USP40: variants seen among roughly 807,000 people sequenced by gnomAD.
The protein encoded by USP40 is ubiquitin carboxyl-terminal hydrolase 40.
USP40 carries 143 observed loss-of-function variants against 166.2 expected under a neutral mutation model. That is an observed-to-expected ratio of 0.86 (90% CI 0.75 to 0.99). The LOEUF (loss-of-function observed/expected upper bound fraction) is 0.99. Ranked by LOEUF, USP40 falls within the 50% of genes least tolerant of loss-of-function variation. The probability of loss-of-function intolerance (pLI) is 0.00; values close to 1 mark genes in which losing one functional copy is unlikely to be tolerated. For missense variants in USP40, 1,444 were observed against 1,479.7 expected (o/e 0.98, Z 0.40); for synonymous variants, 498 against 524.0 (o/e 0.95, Z 0.68).
At chr2:233,536,302 A>G (rs1169256356) in intron 10 of USP40, among the ~76,000 whole-genome samples, 3 of 152,216 alleles carry the variant, frequency 2.0e-5, no homozygotes, top group Non-Finnish European at 4.4e-5. Flanking sequence ...ACTACAACTA[A>G]AAAGTATAAT....
chr2:233,526,119 A>C lies in USP40; in HGVS notation c.1726-557T>G, dbSNP rs376650501. On this transcript the variant is annotated intron_variant, in intron 13 of 31. Transcript: ENST00000678225. ...AGGTCACCAAAATAATATCACCATAAAAGTCATTCCTATCTAGTCATTCTC... is the reference window on the plus strand; with the variant it reads ...AGGTCACCAAAATAATATCACCATACAAGTCATTCCTATCTAGTCATTCTC... Among the ~76,000 whole-genome samples the C allele has an allele frequency of 9.8e-5, 15 of 152,330 alleles. No individual in the cohort carries two copies. In the East Asian group the frequency reaches 2.9e-3, roughly 29 times the overall value.
At chr2:233,561,017 ATAGGC>A in intron 3 of USP40, 1 of 1,009,652 alleles carries the variant, frequency 9.9e-7, no homozygotes, top group Non-Finnish European at 1.5e-6. Context: ...CCCATAGGGT[ATAGGC>A]CAAGTCACTT....
intron 18 of USP40, among the ~76,000 whole-genome samples, chr2:233,515,813 A>T (rs749493741): frequency 7.9e-5 from 12 of 152,206 alleles, no homozygotes; most frequent in Admixed American, 1.3e-4. Context: ...GAAATTTTGT[A>T]GTTTTAGGTT....
At chr2:233,484,474 C>CT (rs1222375562) in intron 30 of USP40, among the ~76,000 whole-genome samples, 4,820 of 143,958 alleles carry the variant, frequency 0.033, 221 homozygotes, top group African/African-American at 0.11. Context: ...TTTGAATCTC[C>CT]TTTTTTTTTT....
rs1559229094 is a variant in USP40 at position 233,499,907 on chromosome 2, C to T, written c.2622G>A (p.Lys874=). ...EETISVRDCL[K]LMLKKSGLQG... Reference sequence around the variant, plus strand: ...GTAGGCCAGATTTCTTCAGCATTAACTTTAAACACTGTAAAGAAAAACAAT... The same window carrying T: ...GTAGGCCAGATTTCTTCAGCATTAATTTTAAACACTGTAAAGAAAAACAAT... The change falls in exon 22 of 32, where the codon AAG becomes AAA. Residue 874 remains lysine (K), a synonymous_variant. Transcript: ENST00000678225. The T allele has an allele frequency of 6.2e-7, 1 of 1,611,994 alleles. No individual in the cohort carries two copies. Among genetic ancestry groups the T allele is most frequent in the Non-Finnish European group, 8.5e-7 (1 of 1,179,022 alleles).
At chr2:233,501,895 C>T (rs838557) in intron 21 of USP40, among the ~76,000 whole-genome samples, 25,946 of 152,112 alleles carry the variant, frequency 0.17, 2,469 homozygotes, top group Non-Finnish European at 0.21. Flanking sequence ...CAGCAGAATG[C>T]TCAAAGATAG....
At chr2:233,508,331 A>G (rs1575256435) in intron 21 of USP40, among the ~76,000 whole-genome samples, 1 of 152,304 alleles carries the variant, frequency 6.6e-6, no homozygotes, top group East Asian at 1.9e-4. Context: ...ACTGGTTGCT[A>G]TGTCTTTTAA....
intron 21 of USP40, among the ~76,000 whole-genome samples, chr2:233,503,771 G>A (rs891292231): frequency 6.6e-6 from 1 of 152,024 alleles, no homozygotes; most frequent in Admixed American, 6.6e-5. Context: ...AATACTTAAG[G>A]GAGCACTACA....
At chr2:233,494,962 A>ATATATATTTATT (rs2065641375) in intron 24 of USP40, among the ~76,000 whole-genome samples, 1 of 71,400 alleles carries the variant, frequency 1.4e-5, no homozygotes, top group Non-Finnish European at 2.7e-5. Flanking sequence ...ATATTTATAT[A>ATATATATTTATT]TATATATATA....
chr2:233,500,863 C>G (rs1432066660), intron 21 of USP40, among the ~76,000 whole-genome samples: 5 of 152,108 alleles, frequency 3.3e-5, no homozygotes, highest in African/African-American at 2.4e-5. Context: ...ATAGGCACAG[C>G]AAAGGTCTGG....
Position 233,477,500 on chromosome 2 carries a change from T to C in USP40, c.3603A>G (p.Gln1201=). ...KQRALGRRKS[Q]EALHEQSSYI... Reference sequence around the variant, plus strand: ...AGCTGCTCTGCTCATGGAGGGCTTCTTGGCTGCAGAGACACAGACACTGTC... The same window carrying C: ...AGCTGCTCTGCTCATGGAGGGCTTCCTGGCTGCAGAGACACAGACACTGTC... Residue 1201 remains glutamine, a synonymous_variant, in exon 32 of 32, where the codon CAA becomes CAG. Coordinates refer to ENST00000678225, the MANE Select transcript of USP40 (RefSeq NM_001365479.2). 1.9e-6 allele frequency: 3 copies of C among 1,612,912 alleles called. No individual in the cohort carries two copies. Among genetic ancestry groups the C allele is most frequent in the Non-Finnish European group, 2.5e-6 (3 of 1,179,574 alleles).
intron 21 of USP40, among the ~76,000 whole-genome samples, chr2:233,506,731 C>T (rs1348368894): frequency 7.3e-6 from 1 of 136,106 alleles, no homozygotes; most frequent in East Asian, 2.3e-4. Flanking sequence ...ACTGCCTCTA[C>T]CGAAAATACA....
At position 233,565,457 on chromosome 2, in the gene USP40, G is replaced by T; in HGVS notation, c.98C>A (p.Ala33Asp). 1 of 1,537,268 alleles carries T rather than the reference G, an allele frequency of 6.5e-7. No individual in the cohort carries two copies. The highest frequency in any genetic ancestry group is 1.4e-5 in the African/African-American group (1 of 73,140). The change falls in exon 2 of 32, where the codon GCT becomes GAT. Residue 33 changes from alanine to aspartate, a missense_variant. Physicochemically the swap from Ala to Asp is moderately radical, Grantham distance 126 (BLOSUM62 -2). Coordinates refer to ENST00000678225, the MANE Select transcript of USP40 (RefSeq NM_001365479.2). Reference protein sequence around the residue: ...KLKTKALEPPAPREFTNLSGI... With the variant: ...KLKTKALEPPDPREFTNLSGI... ...GCTTAAATTGGTGAATTCTCTAGGA[G>T]CAGGTGGCTCCAAAGCTTTAGTCTT...
chr2:233,485,498 T>G, intron 30 of USP40, 33 bp downstream of exon 30: 1 of 1,555,688 alleles, frequency 6.4e-7, no homozygotes. Flanking sequence ...TCGTGTCTTC[T>G]CAAAGTGGTA....
chr2:233,566,724 C>T lies in USP40; in HGVS notation c.-60G>A. On this transcript the variant is annotated 5_prime_UTR_variant, in exon 1 of 32. Transcript: ENST00000678225. The stretch of plus-strand genomic sequence containing the variant: ...CCCCCGCCCTGGCCAAAACGCGAAG[C>T]GAACGAACCCGCCCCAACTGGGCGC... 2 of 985,986 alleles carry T rather than the reference C, an allele frequency of 2.0e-6. No individual in the cohort carries two copies. The highest frequency in any genetic ancestry group is 2.4e-6 in the Non-Finnish European group (2 of 830,010). 61.1% of individuals were successfully genotyped at this position (985,986 alleles called of 1,614,324 possible). A position where few individuals can be genotyped will look rare whatever the true frequency, so the allele number is the denominator to read the frequency against.
intron 17 of USP40, 28 bp downstream of exon 17, chr2:233,520,963 A>C (rs761675077): frequency 1.9e-6 from 3 of 1,589,958 alleles, no homozygotes; most frequent in South Asian, 1.1e-5. Context: ...AAAATCTATC[A>C]GCCAACCTTT....
intron 24 of USP40, among the ~76,000 whole-genome samples, chr2:233,495,233 A>G (rs1575234063): frequency 6.6e-6 from 1 of 151,680 alleles, no homozygotes; most frequent in Non-Finnish European, 1.5e-5. Flanking sequence ...CCTAGCAAAT[A>G]ATCTTTTGTG....
chr2:233,559,125 A>G (rs1192551010), intron 4 of USP40, among the ~76,000 whole-genome samples: 3 of 152,230 alleles, frequency 2.0e-5, no homozygotes, highest in African/African-American at 7.2e-5. Flanking sequence ...TTGTATAGCT[A>G]TAACAGCTCA....
At chr2:233,504,801 G>A (rs952524472) in intron 21 of USP40, among the ~76,000 whole-genome samples, 7 of 151,808 alleles carry the variant, frequency 4.6e-5, no homozygotes, top group Non-Finnish European at 4.4e-5. Context: ...AAAGATCATC[G>A]AGACAGAAAA....
Sources: gnomAD v4.1 joint callset for allele counts (sites outside exome capture counted in the v4.1 genomes callset) on GRCh38, gnomAD v4.1.1 for gene constraint, MANE v1.5 for transcripts, NCBI Gene and HGNC (gene_info 2026-07-23, HGNC 2026-07-21) for gene names.